The following LRRC8C variants were observed in gnomAD, a reference collection of about 807,000 sequenced individuals.
LRRC8C encodes leucine rich repeat containing 8 VRAC subunit C.
A neutral mutation model predicts 55.3 loss-of-function variants in LRRC8C; 20 were observed. That is an observed-to-expected ratio of 0.36 (90% CI 0.25 to 0.53). LRRC8C has a LOEUF of 0.53. Ranked by LOEUF, LRRC8C falls within the 20% of genes least tolerant of loss-of-function variation. The pLI, the probability that LRRC8C is intolerant of heterozygous loss-of-function variation, is 0.92. For missense variants in LRRC8C, 659 were observed against 951.4 expected (o/e 0.69, Z 4.04); for synonymous variants, 376 against 360.7 (o/e 1.04, Z -0.48).
intron 1 of LRRC8C, among the ~76,000 whole-genome samples, chr1:89,639,445 G>A (rs1462023551): frequency 6.6e-6 from 1 of 152,196 alleles, no homozygotes; most frequent in Admixed American, 6.5e-5. Context: ...TATCATGGCA[G>A]CTGTGAGGAC....
rs975623040 is a variant in LRRC8C, at chr1:89,718,090, T to C, written c.*3108T>C. The C allele has an allele frequency of 1.3e-5, 2 of 152,196 alleles. No homozygotes were observed. Among genetic ancestry groups the C allele is most frequent in the Non-Finnish European group, 2.9e-5 (2 of 68,030 alleles). 9.4% of individuals were successfully genotyped at this position (152,196 alleles called of 1,614,324 possible). A position where few individuals can be genotyped will look rare whatever the true frequency, so the allele number is the denominator to read the frequency against. On this transcript the variant is annotated 3_prime_UTR_variant, in exon 3 of 3. Transcript: ENST00000370454. The stretch of plus-strand genomic sequence containing the variant: ...GAAATTATTGCATTTTCTCATTATG[T>C]GTTGGGTTTGATTTGCTTTTGTTTT...
At chr1:89,676,433 G>C (rs1657550026) in intron 1 of LRRC8C, 1 of 152,138 alleles carries the variant, frequency 6.6e-6, no homozygotes, top group African/African-American at 2.4e-5. Context: ...TTCAGTAGTG[G>C]ATGTTCTTTG....
At chr1:89,701,859 G>A (rs569358513) in intron 2 of LRRC8C, among the ~76,000 whole-genome samples, 1 of 152,258 alleles carries the variant, frequency 6.6e-6, no homozygotes, top group South Asian at 2.1e-4. Flanking sequence ...CGCTGAATGG[G>A]TCTGAATCAA....
chr1:89,633,813 G>A (rs561624357), intron 1 of LRRC8C, among the ~76,000 whole-genome samples: 3 of 152,358 alleles, frequency 2.0e-5, no homozygotes, highest in Admixed American at 2.0e-4. Flanking sequence ...GTTTCTCGAA[G>A]AAACGTGAGA....
chr1:89,702,601 A>AT (rs202107256), intron 2 of LRRC8C, among the ~76,000 whole-genome samples: 7,486 of 151,036 alleles, frequency 0.05, 612 homozygotes, highest in African/African-American at 0.17. Context: ...TAAAAAATAA[A>AT]TTTTTTTTTC....
intron 2 of LRRC8C, among the ~76,000 whole-genome samples, chr1:89,688,215 C>A (rs1292793503): frequency 1.3e-5 from 2 of 151,744 alleles, no homozygotes; most frequent in Non-Finnish European, 2.9e-5. Context: ...ACAAAGGGTG[C>A]CAGTGAGAAG....
In LRRC8C at chr1:89,633,156, G is replaced by C. The variant is rs10047070; in HGVS notation, c.-171G>C. 0.61 allele frequency: 92,125 copies of C among 152,062 alleles called. 28,628 individuals carry two copies. Among genetic ancestry groups the C allele is most frequent in the East Asian group, 0.79 (4,064 of 5,134 alleles). The allele number at this position is 152,062 out of a possible 1,614,324, so 9.4% of individuals were successfully genotyped here. The stretch of plus-strand genomic sequence containing the variant: ...CCCGGCTGGAAGCCCGCGAAGAGAA[G>C]TAGGAGGAAGGCGCCGCCGTGGCCG... On this transcript the variant is annotated 5_prime_UTR_variant, in exon 1 of 3. Transcript: ENST00000370454.
intron 1 of LRRC8C, among the ~76,000 whole-genome samples, chr1:89,665,662 G>A (rs941050197): frequency 2.0e-5 from 3 of 152,080 alleles, no homozygotes; most frequent in African/African-American, 4.8e-5. Flanking sequence ...AAGCAAAAAA[G>A]TTGCAGTAAC....
At chr1:89,633,553 G>A (rs1200860671) in intron 1 of LRRC8C, among the ~76,000 whole-genome samples, 1 of 152,192 alleles carries the variant, frequency 6.6e-6, no homozygotes, top group African/African-American at 2.4e-5. Flanking sequence ...ATCCGCGCTA[G>A]CCCGAGCGGC....
In LRRC8C at chr1:89,686,587, C is replaced by T. The variant is rs10082200; in HGVS notation, c.114C>T (p.Ile38=). The T allele has an allele frequency of 0.013, 21,620 of 1,613,996 alleles. 2,547 individuals are homozygous for T. In the African/African-American group the frequency reaches 0.25, roughly 19 times the overall value. The change falls in exon 2 of 3, where the codon ATC becomes ATT. Residue 38 remains isoleucine, a synonymous_variant. Coordinates refer to ENST00000370454, the MANE Select transcript of LRRC8C (RefSeq NM_032270.5). ...TDYLSVAMLM[I]GVFGCTLQVM... ...ACCTCTCAGTAGCCATGCTCATGATCGGCGTGTTTGGATGTACTTTACAGG... is the reference window on the plus strand; with the variant it reads ...ACCTCTCAGTAGCCATGCTCATGATTGGCGTGTTTGGATGTACTTTACAGG...
At chr1:89,643,809 G>T (rs554556328) in intron 1 of LRRC8C, among the ~76,000 whole-genome samples, 1 of 152,280 alleles carries the variant, frequency 6.6e-6, no homozygotes, top group South Asian at 2.1e-4. Context: ...TGCTCATGCT[G>T]TGTAGTATTC....
rs1250662903 is a variant in LRRC8C, at chr1:89,633,242, C to G, written c.-85C>G. ...GCGACCCCGCGGGCGACGCCGCCGTCCCTGGCAGCCGCTGAGCCCGACCCC... is the reference window on the plus strand; with the variant it reads ...GCGACCCCGCGGGCGACGCCGCCGTGCCTGGCAGCCGCTGAGCCCGACCCC... On this transcript the variant is annotated 5_prime_UTR_variant, in exon 1 of 3. Coordinates refer to ENST00000370454, the MANE Select transcript of LRRC8C (RefSeq NM_032270.5). The G allele has an allele frequency of 6.6e-6, 1 of 152,530 alleles. No homozygotes were observed. The highest frequency in any genetic ancestry group is 1.5e-5 in the Non-Finnish European group (1 of 68,346). 9.4% of individuals were successfully genotyped at this position (152,530 alleles called of 1,614,324 possible). A position where few individuals can be genotyped will look rare whatever the true frequency, so the allele number is the denominator to read the frequency against.
chr1:89,639,897 A>G (rs185958619), intron 1 of LRRC8C, among the ~76,000 whole-genome samples: 13 of 152,352 alleles, frequency 8.5e-5, no homozygotes, highest in South Asian at 4.1e-4. Context: ...ACATTAAGAG[A>G]CATGTAAATA....
chr1:89,714,624 T>C lies in LRRC8C; in HGVS notation c.2054T>C (p.Ile685Thr). The C allele has an allele frequency of 6.2e-7, 1 of 1,614,110 alleles. No homozygotes were observed. The highest frequency in any genetic ancestry group is 8.5e-7 in the Non-Finnish European group (1 of 1,180,014). Residue 685 changes from isoleucine (I) to threonine (T), a missense_variant, in exon 3 of 3, where the codon ATC (isoleucine) becomes ACC (threonine). By Grantham distance (89) the Ile-to-Thr change is moderately conservative. Coordinates refer to ENST00000370454, the MANE Select transcript of LRRC8C (RefSeq NM_032270.5). This position sits in a 1 kb window ranked among gnomAD's most constrained non-coding sequence, Gnocchi z 4.6. The stretch of plus-strand genomic sequence containing the variant: ...TCCCACCTCTTCCTATGCAACAAGA[T>C]CCGATACTTGGACTTATCGTACAAT... ...LPSHLFLCNK[I>T]RYLDLSYNDI...
intron 2 of LRRC8C, among the ~76,000 whole-genome samples, chr1:89,698,455 T>C (rs1658230841): frequency 6.6e-6 from 1 of 152,174 alleles, no homozygotes; most frequent in South Asian, 2.1e-4. Flanking sequence ...TTATTTGTTC[T>C]GTATAATGAT....
At chr1:89,692,331 C>G (rs1301094078) in intron 2 of LRRC8C, among the ~76,000 whole-genome samples, 1 of 152,170 alleles carries the variant, frequency 6.6e-6, no homozygotes, top group Non-Finnish European at 1.5e-5. Flanking sequence ...TAGAAGAACA[C>G]TCTTTGATGA....
At chr1:89,659,024 A>G (rs1657027054) in intron 1 of LRRC8C, among the ~76,000 whole-genome samples, 1 of 148,400 alleles carries the variant, frequency 6.7e-6, no homozygotes, top group African/African-American at 2.5e-5. Flanking sequence ...GTTAATAGGA[A>G]ATTTTAGGTT....
intron 2 of LRRC8C, among the ~76,000 whole-genome samples, chr1:89,695,983 CT>C (rs1262305758): frequency 6.6e-6 from 1 of 152,172 alleles, no homozygotes; most frequent in Admixed American, 6.5e-5. Flanking sequence ...CTCAAAATGT[CT>C]TCTCTGGGCA....
chr1:89,653,623 G>A (rs886160573), intron 1 of LRRC8C, among the ~76,000 whole-genome samples: 6 of 152,160 alleles, frequency 3.9e-5, no homozygotes, highest in Non-Finnish European at 8.8e-5. Flanking sequence ...GGTGCCTTGG[G>A]TTATAGCAGA....
Sources: gnomAD v4.1 joint callset for allele counts (sites outside exome capture counted in the v4.1 genomes callset) on GRCh38, gnomAD v4.1.1 for gene constraint, Gnocchi (gnomAD v3.1) non-coding constraint, MANE v1.5 for transcripts, NCBI Gene and HGNC (gene_info 2026-07-23, HGNC 2026-07-21) for gene names.